The following PARD3B variants were observed in gnomAD, a reference collection of about 807,000 sequenced individuals.
The protein encoded by PARD3B is partitioning defective 3 homolog B.
A neutral mutation model predicts 130.2 loss-of-function variants in PARD3B; 103 were observed. The ratio of observed to expected loss-of-function variants is 0.79; its 90% CI spans 0.67 to 0.93. PARD3B has a LOEUF of 0.93. PARD3B is among the 40% of genes least tolerant of loss of function. The pLI is 0.00. For missense variants in PARD3B, 1,609 were observed against 1,499.2 expected, an observed-to-expected ratio of 1.07 and a Z score of -1.21; for synonymous variants, 583 against 553.2, an observed-to-expected ratio of 1.05 and a Z score of -0.76.
In PARD3B at chr2:205,585,734, G is replaced by A. The variant is rs2054173464; in HGVS notation, c.3261-29722G>A. On this transcript the variant is annotated intron_variant, in intron 22 of 22. Transcript: ENST00000406610. The surrounding 1 kb of genome is among the most constrained non-coding windows in gnomAD (Gnocchi z 5.4). ...TCAGGTTTTAGGGCTTTGAAGGTGGGGAATCAGGAGTCAGCTGTTTCTCCC... is the reference window on the plus strand; with the variant it reads ...TCAGGTTTTAGGGCTTTGAAGGTGGAGAATCAGGAGTCAGCTGTTTCTCCC... Among the ~76,000 whole-genome samples, 1 of 152,168 alleles carries A rather than the reference G, an allele frequency of 6.6e-6. No homozygotes were observed. The highest frequency in any genetic ancestry group is 6.5e-5 in the Admixed American group (1 of 15,280).
intron 20 of PARD3B, among the ~76,000 whole-genome samples, chr2:205,459,483 A>G (rs2048378448): frequency 6.6e-6 from 1 of 152,186 alleles, no homozygotes; most frequent in African/African-American, 2.4e-5. Flanking sequence ...TATATATGAA[A>G]GTAACATGAA....
At chr2:205,556,231 A>G (rs1048377892) in intron 22 of PARD3B, among the ~76,000 whole-genome samples, 17 of 152,182 alleles carry the variant, frequency 1.1e-4, no homozygotes, top group African/African-American at 3.4e-4. Flanking sequence ...TCGGTGGCCA[A>G]CCTTATGGAG....
chr2:204,717,713 G>C (rs1380557507), intron 2 of PARD3B, among the ~76,000 whole-genome samples: 1 of 152,148 alleles, frequency 6.6e-6, no homozygotes, highest in South Asian at 2.1e-4. Context: ...AGCCAAATTG[G>C]GAACTAGACA....
At chr2:205,129,712 C>T (rs988204568) in intron 10 of PARD3B, among the ~76,000 whole-genome samples, 3 of 152,168 alleles carry the variant, frequency 2.0e-5, no homozygotes, top group Admixed American at 1.3e-4. Flanking sequence ...GCCTAGTTTC[C>T]GACGCTTAAA....
At chr2:205,206,828 G>A (rs1380494788) in intron 15 of PARD3B, among the ~76,000 whole-genome samples, 2 of 151,344 alleles carry the variant, frequency 1.3e-5, no homozygotes, top group Non-Finnish European at 2.9e-5. Flanking sequence ...AGTCAACAAG[G>A]ATACCCAGGA....
chr2:205,384,125 A>G (rs1162776360), intron 18 of PARD3B, among the ~76,000 whole-genome samples: 1 of 152,116 alleles, frequency 6.6e-6, no homozygotes, highest in Non-Finnish European at 1.5e-5. Flanking sequence ...GGAGGGTTAC[A>G]GCCAACCCTT....
intron 4 of PARD3B, among the ~76,000 whole-genome samples, chr2:205,062,766 CT>C (rs1467426506): frequency 1.9e-4 from 29 of 152,134 alleles, no homozygotes; most frequent in African/African-American, 6.7e-4. Context: ...ATTTTTGTAT[CT>C]TTTGCAGTGC....
intron 2 of PARD3B, among the ~76,000 whole-genome samples, chr2:204,698,017 A>C (rs908285042): frequency 6.6e-6 from 1 of 152,130 alleles, no homozygotes; most frequent in Non-Finnish European, 1.5e-5. Flanking sequence ...TCTAGCTTCC[A>C]ACAAGAGAAG....
chr2:205,046,262 T>A (rs1698770518), intron 3 of PARD3B, among the ~76,000 whole-genome samples: 1 of 151,900 alleles, frequency 6.6e-6, no homozygotes, highest in African/African-American at 2.4e-5. Context: ...GTTTTTTTTT[T>A]TTAAAAATGT....
rs540920108 is a variant in PARD3B, at chr2:204,633,323, AC to A, written c.121-52852del. Among the ~76,000 whole-genome samples the A allele has an allele frequency of 2.2e-3, 335 of 152,074 alleles. 1 individual carries two copies. Among genetic ancestry groups the A allele is most frequent in the African/African-American group, 7.8e-3 (322 of 41,460 alleles). On this transcript the variant is annotated intron_variant, in intron 1 of 22. Coordinates refer to ENST00000406610, the MANE Select transcript of PARD3B (RefSeq NM_001302769.2). ...CTTGTTTTATGAATATGAAATCTGTACCCCCCAACATCCCTAGATTATTTTG... is the reference window on the plus strand; with the variant it reads ...CTTGTTTTATGAATATGAAATCTGTACCCCCAACATCCCTAGATTATTTTG...
At chr2:204,834,909 T>A (rs2043973178) in intron 2 of PARD3B, among the ~76,000 whole-genome samples, 1 of 152,216 alleles carries the variant, frequency 6.6e-6, no homozygotes, top group South Asian at 2.1e-4. Flanking sequence ...ATTGCAATAG[T>A]GTGATGTGGT....
At chr2:204,852,331 A>G (rs1036400458) in intron 2 of PARD3B, among the ~76,000 whole-genome samples, 4 of 152,106 alleles carry the variant, frequency 2.6e-5, no homozygotes, top group African/African-American at 9.7e-5. Context: ...GCTTGTATGT[A>G]TATATGTATA....
At chr2:204,596,337 T>A (rs1372074627) in intron 1 of PARD3B, among the ~76,000 whole-genome samples, 1 of 152,188 alleles carries the variant, frequency 6.6e-6, no homozygotes, top group Non-Finnish European at 1.5e-5. Flanking sequence ...TTCTTTCATA[T>A]TTTTTTCCTA....
chr2:205,377,522 A>G (rs2045108688), intron 18 of PARD3B, among the ~76,000 whole-genome samples: 1 of 152,054 alleles, frequency 6.6e-6, no homozygotes, highest in South Asian at 2.1e-4. Flanking sequence ...CAGCACCCAG[A>G]TGAGCCTAAA....
intron 19 of PARD3B, among the ~76,000 whole-genome samples, chr2:205,412,096 C>T (rs1368386202): frequency 6.6e-6 from 1 of 151,996 alleles, no homozygotes; most frequent in Non-Finnish European, 1.5e-5. Context: ...ATGAAAATGT[C>T]CTTTTCTTCC....
chr2:205,615,100 C>T (rs1339051050), intron 22 of PARD3B, among the ~76,000 whole-genome samples: 3 of 152,106 alleles, frequency 2.0e-5, no homozygotes, highest in Non-Finnish European at 4.4e-5. Flanking sequence ...AGGGTATAAA[C>T]CAGATTGAAG....
At chr2:204,885,129 TG>T (rs1223946584) in intron 2 of PARD3B, among the ~76,000 whole-genome samples, 1 of 152,200 alleles carries the variant, frequency 6.6e-6, no homozygotes, top group East Asian at 1.9e-4. Context: ...TCTGCAACCT[TG>T]CCAGCATCTG....
chr2:204,957,059 T>C (rs1341559951), intron 2 of PARD3B, among the ~76,000 whole-genome samples: 1 of 152,146 alleles, frequency 6.6e-6, no homozygotes, highest in East Asian at 1.9e-4. Flanking sequence ...GTCGTGAATG[T>C]TGTTTAATGA....
At chr2:205,051,802 A>G (rs1699210131) in intron 4 of PARD3B, among the ~76,000 whole-genome samples, 1 of 152,224 alleles carries the variant, frequency 6.6e-6, no homozygotes, top group African/African-American at 2.4e-5. Context: ...GTATATTGAG[A>G]AGCCACTAAA....
Sources: allele counts gnomAD v4.1 joint callset (sites outside exome capture counted in the v4.1 genomes callset), GRCh38; gene constraint gnomAD v4.1.1; non-coding constraint Gnocchi (gnomAD v3.1); transcripts MANE v1.5; gene names NCBI Gene and HGNC (gene_info 2026-07-23, HGNC 2026-07-21).